Variants in GLRA2 observed in about 807,000 individuals in gnomAD.
GLRA2 encodes the protein glycine receptor alpha 2.
Under a neutral mutation model 31.6 loss-of-function variants are expected in GLRA2, and 11 were observed. The ratio of observed to expected loss-of-function variants is 0.35; its 90% CI spans 0.22 to 0.58. GLRA2 has a LOEUF of 0.58. GLRA2 is among the 20% of genes least tolerant of loss of function. The pLI is 0.84. For synonymous variants in GLRA2, 132 were observed against 134.0 expected (o/e 0.99, Z 0.10); for missense variants, 212 against 351.8 (o/e 0.60, Z 3.18).
intron 8 of GLRA2, among the ~76,000 whole-genome samples, chrX:14,698,620 G>A (rs1426796210): frequency 1.1e-5 from 1 of 94,338 alleles, no homozygotes; most frequent in African/African-American, 4.0e-5. Flanking sequence ...GGAGATTGCA[G>A]TGAGCTGAGA....
chrX:14,522,430 G>A, the GLRA2 span, among the ~76,000 whole-genome samples: 3 of 111,737 alleles, frequency 2.7e-5, no homozygotes, highest in East Asian at 8.4e-4. Context: ...ATGATGGTTG[G>A]CATCAACTTC....
chrX:14,646,353 C>T (rs1183109937), intron 7 of GLRA2, among the ~76,000 whole-genome samples: 3 of 111,852 alleles, frequency 2.7e-5, no homozygotes, highest in Non-Finnish European at 5.6e-5. Context: ...TTACTTGGTA[C>T]TGGGCATTGT....
At chrX:14,681,910 A>AAAAATATAT (rs758563376) in intron 7 of GLRA2, among the ~76,000 whole-genome samples, 1 of 41,294 alleles carries the variant, frequency 2.4e-5, no homozygotes, top group African/African-American at 1.2e-4. Flanking sequence ...AAAAAAAAAA[A>AAAAATATAT]ATATATATAT....
rs1016338393 is a variant in GLRA2 at position 14,613,373 on chromosome X, A to C, written c.930+4168A>C. On this transcript the variant is annotated intron_variant, in intron 7 of 8. Transcript: ENST00000218075. The stretch of plus-strand genomic sequence containing the variant: ...TCAATGAGATTAACCAAAGTTTGTC[A>C]TATGTATGTGTGTACAAGATACAAT... Among the ~76,000 whole-genome samples, 3 of 112,041 alleles carry C rather than the reference A, an allele frequency of 2.7e-5. No homozygotes were observed. The Admixed American group carries it at 2.8e-4, about 11-fold the overall frequency.
At position 14,684,377 on chromosome X, in the gene GLRA2, G is replaced by A. The variant is rs916748465; in HGVS notation, c.931-6333G>A. Among the ~76,000 whole-genome samples the A allele has an allele frequency of 3.6e-5, 4 of 111,613 alleles. No homozygotes were observed. The South Asian group carries it at 1.5e-3, about 42-fold the overall frequency. ...GAAAGGCATTGGTAGCTTGATTGGGGATGGCATTGAATCTATAAATTACCT... is the reference window on the plus strand; with the variant it reads ...GAAAGGCATTGGTAGCTTGATTGGGAATGGCATTGAATCTATAAATTACCT... On this transcript the variant is annotated intron_variant, in intron 7 of 8. Transcript: ENST00000218075.
the GLRA2 span, among the ~76,000 whole-genome samples, chrX:14,484,956 T>C: frequency 8.9e-6 from 1 of 112,422 alleles, no homozygotes; most frequent in Non-Finnish European, 1.9e-5. Flanking sequence ...CATCTCAAAT[T>C]TCTCTACTGT....
chrX:14,600,451 T>A (rs2090256320), intron 4 of GLRA2, among the ~76,000 whole-genome samples: 1 of 111,358 alleles, frequency 9.0e-6, no homozygotes, highest in Non-Finnish European at 1.9e-5. Flanking sequence ...AATTTCCAGA[T>A]TTTTTGGTTT....
chrX:14,695,984 T>TC (rs1422596805), intron 8 of GLRA2, among the ~76,000 whole-genome samples: 1 of 109,969 alleles, frequency 9.1e-6, no homozygotes, highest in Non-Finnish European at 1.9e-5. Context: ...GGTATGTGTT[T>TC]CCCCCCAGCA....
In GLRA2 at chrX:14,625,546, G is replaced by T. The variant is rs771278329; in HGVS notation, c.930+16341G>T. Among the ~76,000 whole-genome samples, 368 of 111,324 alleles carry T rather than the reference G, an allele frequency of 3.3e-3. 2 individuals are homozygous for T. The highest frequency in any genetic ancestry group is 0.011 in the African/African-American group (335 of 30,679). ...GAGCTCTTGTAAGGCAGGCCTGGTG[G>T]TGACAAAATCTCTCAGCATTTGCTT... On this transcript the variant is annotated intron_variant, in intron 7 of 8. Coordinates refer to ENST00000218075, the MANE Select transcript of GLRA2 (RefSeq NM_002063.4).
At chrX:14,530,392 C>T (rs952580105) in intron 1 of GLRA2, among the ~76,000 whole-genome samples, 1 of 111,759 alleles carries the variant, frequency 8.9e-6, no homozygotes, top group African/African-American at 3.2e-5. Context: ...TGATGAGTTG[C>T]ATGCTCTTTA....
At chrX:14,598,793 A>G (rs920917640) in intron 4 of GLRA2, among the ~76,000 whole-genome samples, 3 of 112,168 alleles carry the variant, frequency 2.7e-5, no homozygotes, top group Non-Finnish European at 5.6e-5. Context: ...TTGGATACCT[A>G]CTCTGGTCTA....
At chrX:14,659,471 C>CCAA (rs202179164) in intron 7 of GLRA2, among the ~76,000 whole-genome samples, 27,748 of 111,096 alleles carry the variant, frequency 0.25, 2,696 homozygotes, top group Non-Finnish European at 0.31. Context: ...AAATTAACAG[C>CCAA]TTTTGAATCA....
chrX:14,514,349 A>G, the GLRA2 span, among the ~76,000 whole-genome samples: 1 of 110,215 alleles, frequency 9.1e-6, no homozygotes, highest in Non-Finnish European at 1.9e-5. Flanking sequence ...AATCACCACT[A>G]AAGAACCGAT....
At chrX:14,487,507 G>A in the GLRA2 span, among the ~76,000 whole-genome samples, 2 of 108,958 alleles carry the variant, frequency 1.8e-5, no homozygotes, top group Non-Finnish European at 3.8e-5. Flanking sequence ...TAAAGGAAAT[G>A]CCATTAACAA....
intron 7 of GLRA2, among the ~76,000 whole-genome samples, chrX:14,668,367 G>C (rs1264727450): frequency 8.0e-5 from 9 of 112,164 alleles, no homozygotes; most frequent in Non-Finnish European, 1.5e-4. Flanking sequence ...TAGTCAAGGG[G>C]AGCAGATTAT....
At chrX:14,476,942 C>T in the GLRA2 span, among the ~76,000 whole-genome samples, 4 of 111,554 alleles carry the variant, frequency 3.6e-5, no homozygotes, top group Admixed American at 3.8e-4. Context: ...ATGTCTAGAC[C>T]TCCCTGAAAA....
intron 7 of GLRA2, among the ~76,000 whole-genome samples, chrX:14,617,913 T>A (rs538600592): frequency 8.9e-6 from 1 of 112,030 alleles, no homozygotes; most frequent in African/African-American, 3.2e-5. Context: ...AGAAGGGACA[T>A]GAGGAAGCAG....
chrX:14,599,883 AATG>A (rs1440598123), intron 4 of GLRA2, among the ~76,000 whole-genome samples: 5 of 111,859 alleles, frequency 4.5e-5, no homozygotes, highest in Non-Finnish European at 7.5e-5. Context: ...GGATGTCATA[AATG>A]ATGAGCTCTG....
At chrX:14,498,919 C>A in the GLRA2 span, among the ~76,000 whole-genome samples, 2 of 112,112 alleles carry the variant, frequency 1.8e-5, no homozygotes, top group East Asian at 5.6e-4. Context: ...CCAGTTCCAA[C>A]TATGTTGCTG....
Sources: allele counts gnomAD v4.1 joint callset (sites outside exome capture counted in the v4.1 genomes callset), GRCh38; gene constraint gnomAD v4.1.1; transcripts MANE v1.5; gene names NCBI Gene and HGNC (gene_info 2026-07-23, HGNC 2026-07-21).